The following ELAPOR1 variants were observed in gnomAD, a reference collection of about 807,000 sequenced individuals.
The protein encoded by ELAPOR1 is endosome/lysosome-associated apoptosis and autophagy regulator 1.
ELAPOR1 carries 77 observed loss-of-function variants against 119.7 expected under a neutral mutation model. That is an observed-to-expected ratio of 0.64 (90% CI 0.54 to 0.78). ELAPOR1 has a LOEUF of 0.78. Among genes scored for constraint, ELAPOR1 ranks in the 30% least tolerant of loss-of-function variants. The probability of loss-of-function intolerance (pLI) is 0.00; values close to 1 mark genes in which losing one functional copy is unlikely to be tolerated. For missense variants in ELAPOR1, 1,115 were observed against 1,270.4 expected, an observed-to-expected ratio of 0.88 and a Z score of 1.86; for synonymous variants, 481 against 487.2, an observed-to-expected ratio of 0.99 and a Z score of 0.17.
intron 2 of ELAPOR1, 144 bp from the exon 3 acceptor site, chr1:109,164,355 C>A: frequency 1.6e-6 from 1 of 621,144 alleles, no homozygotes; most frequent in Non-Finnish European, 2.7e-6. Flanking sequence ...TCAAATCACA[C>A]AGTAAATGCC....
rs531686615 is a variant in ELAPOR1, at chr1:109,156,961, G to A, written c.154-4933G>A. ...CAGAGAGGTGCTTCTCTCAGAAGAA[G>A]GGGGGTGGACACTGGGCAGGCACAA... On this transcript the variant is annotated intron_variant, in intron 1 of 21. Coordinates refer to ENST00000369939, the MANE Select transcript of ELAPOR1 (RefSeq NM_020775.5). Among the ~76,000 whole-genome samples the A allele has an allele frequency of 5.3e-5, 8 of 152,318 alleles. No homozygotes were observed. In the South Asian group the frequency reaches 1.0e-3, roughly 20 times the overall value.
chr1:109,149,698 T>G (rs138264099), intron 1 of ELAPOR1, among the ~76,000 whole-genome samples: 103 of 152,260 alleles, frequency 6.8e-4, no homozygotes, highest in African/African-American at 2.3e-3. Flanking sequence ...GACACTTACA[T>G]TTGATCTGGA....
intron 1 of ELAPOR1, among the ~76,000 whole-genome samples, chr1:109,155,227 A>G (rs935626101): frequency 2.0e-5 from 3 of 152,174 alleles, no homozygotes; most frequent in Non-Finnish European, 4.4e-5. Context: ...CCCAGGCTAG[A>G]GTGCAGTGGC....
intron 1 of ELAPOR1, among the ~76,000 whole-genome samples, chr1:109,146,998 C>T (rs34287166): frequency 0.051 from 7,808 of 151,626 alleles, 254 homozygotes; most frequent in Middle Eastern, 0.14. Flanking sequence ...CTCTGCCACC[C>T]GGATTCAAGT....
At chr1:109,192,549 G>T (rs1008715170) in intron 13 of ELAPOR1, 62 bp from the exon 14 acceptor site, 78 of 1,541,636 alleles carry the variant, frequency 5.1e-5, no homozygotes, top group Middle Eastern at 1.7e-4. Context: ...CTTTCTAGAG[G>T]CCTCAATTGT....
In ELAPOR1 at chr1:109,172,462, C is replaced by T. The variant is rs571718945; in HGVS notation, c.616-26C>T. On this transcript the variant is annotated intron_variant, in intron 4 of 21. Transcript: ENST00000369939. ...TCCATTTCCTTAGAAAGCTGAGACT[C>T]TGGTCCCAAACTCTTTTTATGTCAG... The T allele has an allele frequency of 6.4e-6, 10 of 1,569,376 alleles. No individual in the cohort carries two copies. In the South Asian group the frequency reaches 1.1e-4, roughly 17 times the overall value.
chr1:109,185,118 C>G lies in ELAPOR1; in HGVS notation c.1026C>G (p.Cys342Trp). The G allele has an allele frequency of 6.2e-7, 1 of 1,613,526 alleles. No homozygotes were observed. The highest frequency in any genetic ancestry group is 2.2e-5 in the East Asian group (1 of 44,876). ...ATTATTTCTACACACACACGGCCTG[C>G]GATGCCAACGGAGAGGTGGGTAGTA... ...DKDYFYTHTA[C>W]DANGETQLMY... The change falls in exon 8 of 22, where the codon TGC (cysteine) becomes TGG (tryptophan). Residue 342 changes from cysteine to tryptophan, a missense_variant. Cys to Trp is a radical substitution (Grantham distance 215, BLOSUM62 -2). Transcript: ENST00000369939.
chr1:109,161,875 A>C lies in ELAPOR1; in HGVS notation c.154-19A>C. On this transcript the variant is annotated intron_variant, in intron 1 of 21. Transcript: ENST00000369939. ...ATCACTGCTAATGCACATTTCGCCC[A>C]CTGTTCTCTCCCCTGCAGTCTGAGT... The C allele has an allele frequency of 6.3e-7, 1 of 1,599,056 alleles. No homozygotes were observed. The highest frequency in any genetic ancestry group is 8.6e-7 in the Non-Finnish European group (1 of 1,167,454).
chr1:109,191,235 A>G, intron 11 of ELAPOR1, 131 bp from the exon 12 acceptor site: 2 of 614,650 alleles, frequency 3.3e-6, no homozygotes, highest in South Asian at 2.0e-5. Flanking sequence ...GCAGAATTGG[A>G]TTTAGTCCAC....
Position 109,138,466 on chromosome 1 carries a change from A to G in ELAPOR1, c.154-23428A>G, listed in dbSNP as rs1014678502. 5.9e-5 allele frequency among the ~76,000 whole-genome samples: 9 copies of G among 152,206 alleles called. No individual in the cohort carries two copies. In the East Asian group the frequency reaches 1.7e-3, roughly 29 times the overall value. The stretch of plus-strand genomic sequence containing the variant: ...TTGGCCTCTATGGCTCGGAGCGCTC[A>G]TATATCACAGGTGTGTCCACAGCTG... On this transcript the variant is annotated intron_variant, in intron 1 of 21. Coordinates refer to ENST00000369939, the MANE Select transcript of ELAPOR1 (RefSeq NM_020775.5).
intron 20 of ELAPOR1, among the ~76,000 whole-genome samples, chr1:109,200,466 A>G (rs538502432): frequency 1.3e-5 from 2 of 152,314 alleles, no homozygotes; most frequent in South Asian, 2.1e-4. Context: ...TCAGTTTGCT[A>G]TTATTAACAG....
chr1:109,161,136 G>A (rs1354416167), intron 1 of ELAPOR1, among the ~76,000 whole-genome samples: 2 of 152,062 alleles, frequency 1.3e-5, no homozygotes, highest in Non-Finnish European at 2.9e-5. Flanking sequence ...ATAGGGCCAG[G>A]CGTGGTGGCT....
chr1:109,158,072 G>C (rs1470313694), intron 1 of ELAPOR1, among the ~76,000 whole-genome samples: 4 of 152,124 alleles, frequency 2.6e-5, no homozygotes, highest in African/African-American at 4.8e-5. Context: ...ATGTTTAGTA[G>C]AGACGGGGTT....
chr1:109,124,911 G>A (rs559171082), intron 1 of ELAPOR1, among the ~76,000 whole-genome samples: 62 of 152,106 alleles, frequency 4.1e-4, no homozygotes, highest in African/African-American at 1.3e-3. Context: ...TACCACTTTC[G>A]ATTCCTTGTG....
chr1:109,182,818 GATC>G, intron 7 of ELAPOR1, among the ~76,000 whole-genome samples: 1 of 144,286 alleles, frequency 6.9e-6, no homozygotes, highest in East Asian at 2.0e-4. Context: ...AGTGAGCCGA[GATC>G]GTGCCACTGC....
chr1:109,177,239 C>CCA (rs1652369529), intron 7 of ELAPOR1, among the ~76,000 whole-genome samples: 1 of 132,102 alleles, frequency 7.6e-6, no homozygotes, highest in African/African-American at 3.0e-5. Flanking sequence ...GGGGGGCTGA[C>CCA]CCCCCCACCT....
At position 109,137,207 on chromosome 1, in the gene ELAPOR1, T is replaced by G. The variant is rs1411583793; in HGVS notation, c.153+22871T>G. On this transcript the variant is annotated intron_variant, in intron 1 of 21. Coordinates refer to ENST00000369939, the MANE Select transcript of ELAPOR1 (RefSeq NM_020775.5). ...ATAATTTTTTAAAATATTTGATTAT[T>G]TATTTATTTATTTTGAGATGGTGTC... 3.3e-5 allele frequency among the ~76,000 whole-genome samples: 5 copies of G among 152,098 alleles called. No individual in the cohort carries two copies. In the East Asian group the frequency reaches 9.6e-4, roughly 29 times the overall value.
intron 8 of ELAPOR1, chr1:109,186,545 G>A (rs1033471035): frequency 1.7e-5 from 17 of 985,302 alleles, no homozygotes; most frequent in African/African-American, 1.6e-4. Context: ...CCTCCCCCAC[G>A]TATTTGGGGC....
intron 7 of ELAPOR1, among the ~76,000 whole-genome samples, chr1:109,177,208 G>A (rs1239531615): frequency 6.8e-6 from 1 of 146,786 alleles, no homozygotes; most frequent in African/African-American, 2.6e-5. Context: ...CTCACCTCCT[G>A]GACGGGGCGG....
Sources: allele counts gnomAD v4.1 joint callset (sites outside exome capture counted in the v4.1 genomes callset), GRCh38; gene constraint gnomAD v4.1.1; transcripts MANE v1.5; gene names NCBI Gene and HGNC (gene_info 2026-07-23, HGNC 2026-07-21).